TCEAL1: variants seen among roughly 807,000 people sequenced by gnomAD.
TCEAL1 encodes the protein transcription elongation factor A like 1, also known as transcription elongation factor A protein-like 1.
For missense variants in TCEAL1, 82 were observed against 125.9 expected (o/e 0.65, Z 1.67); for synonymous variants, 48 against 46.0 (o/e 1.04, Z -0.17).
Position 103,630,148 on chromosome X carries a change from C to G in TCEAL1, c.232C>G (p.Leu78Val). 1 of 1,211,791 alleles carries G rather than the reference C, an allele frequency of 8.3e-7. No homozygotes were observed. ...PPQEGLSRKD[L>V]FEGRPPMEQP... is the part of the protein sequence containing the mutation. ...GCAGGAGGGTCTTTCCAGGAAGGAC[C>G]TGTTTGAGGGGCGCCCTCCCATGGA... Residue 78 changes from leucine (L) to valine (V), a missense_variant, in exon 3 of 3, where the codon CTG (leucine) becomes GTG (valine). Transcript: ENST00000372625.
At chrX:103,629,466 C>A (rs2073710711) in intron 1 of TCEAL1, 28 bp from the exon 2 acceptor site, 1 of 115,916 alleles carries the variant, frequency 8.6e-6, no homozygotes, top group Non-Finnish European at 1.8e-5. Flanking sequence ...ACTCCCCGCC[C>A]CCTACCCTGT....
chrX:103,629,233 G>A (rs1298869478), intron 1 of TCEAL1, among the ~76,000 whole-genome samples: 1 of 111,599 alleles, frequency 9.0e-6, no homozygotes, highest in East Asian at 2.9e-4. Flanking sequence ...CGGGAGGGGG[G>A]TACAGACATT....
At position 103,629,587 on chromosome X, in the gene TCEAL1, C is replaced by T; in HGVS notation, c.-33+14C>T. Reference sequence around the variant, plus strand: ...GTCAGGGAAGGGGTACGCAGTGGGCCGGGACTGGGGCGCGAGGGTGGACGC... The same window carrying T: ...GTCAGGGAAGGGGTACGCAGTGGGCTGGGACTGGGGCGCGAGGGTGGACGC... On this transcript the variant is annotated intron_variant, in intron 2 of 2. Coordinates refer to ENST00000372625, the MANE Select transcript of TCEAL1 (RefSeq NM_004780.3). 4.7e-6 allele frequency: 1 copy of T among 213,696 alleles called. No homozygotes were observed. Among genetic ancestry groups the T allele is most frequent in the Non-Finnish European group, 8.5e-6 (1 of 117,355 alleles). The allele number at this position is 213,696 out of a possible 1,213,427, so 17.6% of individuals were successfully genotyped here.
At chrX:103,629,642 G>C (rs758899790) in intron 2 of TCEAL1, 69 bp downstream of exon 2, 1 of 337,976 alleles carries the variant, frequency 3.0e-6, no homozygotes, top group East Asian at 4.9e-5. Flanking sequence ...AGGCCGCACT[G>C]TCCCGCCCCT....
rs987825541 is a variant in TCEAL1 at position 103,630,481 on chromosome X, T to G, written c.*85T>G. ...TTCTGTTTGCATTTTCTTAATGCCT[T>G]TTCCCATATTCTGAATTTTAACTTT... On this transcript the variant is annotated 3_prime_UTR_variant, in exon 3 of 3. Transcript: ENST00000372625. 5.0e-6 allele frequency: 5 copies of G among 999,058 alleles called. No homozygotes were observed. The highest frequency in any genetic ancestry group is 2.9e-4 in the Middle Eastern group (1 of 3,439). The allele number at this position is 999,058 out of a possible 1,213,427, so 82.3% of individuals were successfully genotyped here.
At chrX:103,629,835 G>C in intron 2 of TCEAL1, 50 bp from the exon 3 acceptor site, 2 of 1,071,959 alleles carry the variant, frequency 1.9e-6, no homozygotes, top group Non-Finnish European at 2.4e-6. Flanking sequence ...CTGGGTGTTA[G>C]TCCAGCCGCT....
upstream of TCEAL1, chrX:103,628,897 T>C (rs927353038): frequency 8.9e-6 from 1 of 112,065 alleles, no homozygotes; most frequent in Non-Finnish European, 1.9e-5. Context: ...GGGATCTGAG[T>C]TCGGCAGTGA....
chrX:103,630,438 G>C lies in TCEAL1; in HGVS notation c.*42G>C. 2 of 1,109,121 alleles carry C rather than the reference G, an allele frequency of 1.8e-6. No individual in the cohort carries two copies. Among genetic ancestry groups the C allele is most frequent in the Non-Finnish European group, 1.2e-6 (1 of 844,746 alleles). The allele number at this position is 1,109,121 out of a possible 1,213,427, so 91.4% of individuals were successfully genotyped here. On this transcript the variant is annotated 3_prime_UTR_variant, in exon 3 of 3. Coordinates refer to ENST00000372625, the MANE Select transcript of TCEAL1 (RefSeq NM_004780.3). ...TTCTGTTTTGCCTGCTAATAGTATT[G>C]CCATTGCCACCTGGACTTTCTGTTT...
In TCEAL1 at chrX:103,630,696, AT is replaced by A. The variant is rs1223671632; in HGVS notation, c.*301del. Reference sequence around the variant, plus strand: ...ATTGTATCCCATTTTTGTAAAAAAAATGTATATTTATATATTAATATGCAAA... The same window carrying A: ...ATTGTATCCCATTTTTGTAAAAAAAAGTATATTTATATATTAATATGCAAA... On this transcript the variant is annotated 3_prime_UTR_variant, in exon 3 of 3. Coordinates refer to ENST00000372625, the MANE Select transcript of TCEAL1 (RefSeq NM_004780.3). 26 of 164,572 alleles carry A rather than the reference AT, an allele frequency of 1.6e-4. No individual in the cohort carries two copies. The highest frequency in any genetic ancestry group is 3.8e-4 in the Admixed American group (5 of 13,112). The allele number at this position is 164,572 out of a possible 1,213,427, so 13.6% of individuals were successfully genotyped here. A position where few individuals can be genotyped will look rare whatever the true frequency, so the allele number is the denominator to read the frequency against.
rs1226605479 is a variant in TCEAL1 at position 103,629,890 on chromosome X, CTG to C, written c.-24_-23del. 4.3e-5 allele frequency: 48 copies of C among 1,116,073 alleles called. No individual in the cohort carries two copies. The highest frequency in any genetic ancestry group is 5.1e-5 in the Non-Finnish European group (43 of 849,750). The allele number at this position is 1,116,073 out of a possible 1,213,427, so 92.0% of individuals were successfully genotyped here. A position where few individuals can be genotyped will look rare whatever the true frequency, so the allele number is the denominator to read the frequency against. Reference sequence around the variant, plus strand: ...TGCCTTTCTTGTCTCCTAAGAATAACTGTGCTTGAAGAAGAAAATTCCCAACA... The same window carrying C: ...TGCCTTTCTTGTCTCCTAAGAATAACTGCTTGAAGAAGAAAATTCCCAACA... On this transcript the variant is annotated 5_prime_UTR_variant, in exon 3 of 3. Transcript: ENST00000372625.
rs1014937663 is a variant in TCEAL1 at position 103,630,835 on chromosome X, G to A, written c.*439G>A. 1.6e-5 allele frequency: 2 copies of A among 123,066 alleles called. No homozygotes were observed. Among genetic ancestry groups the A allele is most frequent in the Non-Finnish European group, 3.7e-5 (2 of 53,407 alleles). The allele number at this position is 123,066 out of a possible 1,213,427, so 10.1% of individuals were successfully genotyped here. A position where few individuals can be genotyped will look rare whatever the true frequency, so the allele number is the denominator to read the frequency against. ...AATTTCTCATTTTTTCAGGACAAAC[G>A]TTTTACTTGTGTTGCAAAAATATAT... On this transcript the variant is annotated 3_prime_UTR_variant, in exon 3 of 3. Transcript: ENST00000372625.
chrX:103,628,745 T>C (rs777358616), upstream of TCEAL1: 2 of 110,715 alleles, frequency 1.8e-5, no homozygotes, highest in Admixed American at 1.9e-4. Context: ...TACCCGAGAC[T>C]AGATGCGGAC....
In TCEAL1 at chrX:103,630,277, A is replaced by C. The variant is rs777155549; in HGVS notation, c.361A>C (p.Asn121His). The C allele has an allele frequency of 3.3e-6, 4 of 1,212,134 alleles. No homozygotes were observed. Among genetic ancestry groups the C allele is most frequent in the Admixed American group, 4.3e-5 (2 of 46,116 alleles). Reference sequence around the variant, plus strand: ...ATTTAGAGGGGACATACATGGCAGAAATTTAAGCAATGAGGAGATGATACA... The same window carrying C: ...ATTTAGAGGGGACATACATGGCAGACATTTAAGCAATGAGGAGATGATACA... ...PQFRGDIHGR[N>H]LSNEEMIQAA... The change falls in exon 3 of 3, where the codon AAT becomes CAT. Residue 121 changes from asparagine (N) to histidine (H), a missense_variant. Asn to His is a moderately conservative substitution (Grantham distance 68, BLOSUM62 1). Coordinates refer to ENST00000372625, the MANE Select transcript of TCEAL1 (RefSeq NM_004780.3).
In TCEAL1 at chrX:103,630,251, A is replaced by T. The variant is rs760771251; in HGVS notation, c.335A>T (p.Gln112Leu). The change falls in exon 3 of 3, where the codon CAA becomes CTA. Residue 112 changes from glutamine (Q) to leucine (L), a missense_variant. Gln to Leu is a moderately radical substitution (Grantham distance 113). Transcript: ENST00000372625. ...GAAAGGTTGGCTCGTTCTCGCCCGCAATTTAGAGGGGACATACATGGCAGA... is the reference window on the plus strand; with the variant it reads ...GAAAGGTTGGCTCGTTCTCGCCCGCTATTTAGAGGGGACATACATGGCAGA... ...FKERLARSRP[Q>L]FRGDIHGRNL... The T allele has an allele frequency of 5.0e-6, 6 of 1,210,335 alleles. No individual in the cohort carries two copies. In the East Asian group the frequency reaches 1.8e-4, roughly 36 times the overall value.
rs1419834497 is a variant in TCEAL1, at chrX:103,630,303, G to A, written c.387G>A (p.Gln129=). 3.3e-6 allele frequency: 4 copies of A among 1,212,128 alleles called. No homozygotes were observed. The highest frequency in any genetic ancestry group is 2.3e-4 in the Middle Eastern group (1 of 4,353). ...GRNLSNEEMI[Q]AADELEEMKR... The stretch of plus-strand genomic sequence containing the variant: ...ATTTAAGCAATGAGGAGATGATACA[G>A]GCAGCAGATGAGCTAGAAGAGATGA... Residue 129 remains glutamine, a synonymous_variant, in exon 3 of 3, where the codon CAG becomes CAA. Coordinates refer to ENST00000372625, the MANE Select transcript of TCEAL1 (RefSeq NM_004780.3).
intron 2 of TCEAL1, 89 bp downstream of exon 2, chrX:103,629,662 G>A: frequency 2.8e-6 from 1 of 362,041 alleles, no homozygotes; most frequent in Non-Finnish European, 4.7e-6. Flanking sequence ...TGTCACTGCG[G>A]GCGAGGCCTG....
rs2073711679 is a variant in TCEAL1 at position 103,629,534 on chromosome X, T to TAGGA, written c.-71_-68dup. On this transcript the variant is annotated 5_prime_UTR_variant, in exon 2 of 3. Transcript: ENST00000372625. ...CGGGGCACCTCGAGGAGAGGACGAC[T>TAGGA]AGGAGCACACGGCCCGGAAAGGTCC... 1 of 142,642 alleles carries TAGGA rather than the reference T, an allele frequency of 7.0e-6. No homozygotes were observed. The highest frequency in any genetic ancestry group is 1.4e-5 in the Non-Finnish European group (1 of 71,550). The allele number at this position is 142,642 out of a possible 1,213,427, so 11.8% of individuals were successfully genotyped here.
intron 1 of TCEAL1, among the ~76,000 whole-genome samples, 196 bp from the exon 2 acceptor site, chrX:103,629,298 C>T (rs1041066526): frequency 2.7e-5 from 3 of 111,340 alleles, no homozygotes; most frequent in Non-Finnish European, 3.8e-5. Context: ...AAAGAAATGG[C>T]AAGCTTTGCG....
Position 103,630,508 on chromosome X carries a change from T to C in TCEAL1, c.*112T>C. On this transcript the variant is annotated 3_prime_UTR_variant, in exon 3 of 3. Transcript: ENST00000372625. ...TCCCATATTCTGAATTTTAACTTTT[T>C]GTGAGGCTTTATTTTAGATGTTTAG... 1.1e-6 allele frequency: 1 copy of C among 888,529 alleles called. No homozygotes were observed. Among genetic ancestry groups the C allele is most frequent in the African/African-American group, 2.0e-5 (1 of 49,499 alleles). The allele number at this position is 888,529 out of a possible 1,213,427, so 73.2% of individuals were successfully genotyped here.
Sources: allele counts gnomAD v4.1 joint callset (sites outside exome capture counted in the v4.1 genomes callset), GRCh38; gene constraint gnomAD v4.1.1; transcripts MANE v1.5; gene names NCBI Gene and HGNC (gene_info 2026-07-23, HGNC 2026-07-21).